The following SLC26A7 variants were observed in gnomAD, a reference collection of about 807,000 sequenced individuals.
SLC26A7 encodes solute carrier family 26 member 7.
In SLC26A7, 59 loss-of-function variants were observed where a neutral mutation model predicts 82.5. The observed-to-expected ratio is 0.72, with a 90% CI of 0.58 to 0.89. The LOEUF (loss-of-function observed/expected upper bound fraction) is 0.89. Among genes scored for constraint, SLC26A7 ranks in the 40% least tolerant of loss-of-function variants. SLC26A7 has a pLI of 0.00. For missense variants in SLC26A7, 820 were observed against 793.0 expected, an observed-to-expected ratio of 1.03 and a Z score of -0.41; for synonymous variants, 271 against 274.3, an observed-to-expected ratio of 0.99 and a Z score of 0.12.
At chr8:91,222,018 T>C (rs576855233) in intron 2 of SLC26A7, among the ~76,000 whole-genome samples, 16 of 152,336 alleles carry the variant, frequency 1.1e-4, no homozygotes, top group African/African-American at 3.8e-4. Flanking sequence ...GGAATGTTTT[T>C]CCATTTGTTT....
At chr8:91,235,272 T>C (rs566903673) in intron 2 of SLC26A7, among the ~76,000 whole-genome samples, 2 of 152,214 alleles carry the variant, frequency 1.3e-5, no homozygotes, top group African/African-American at 4.8e-5. Flanking sequence ...ACTCTGGTCA[T>C]TGAGGGCTTA....
At position 91,239,474 on chromosome 8, in the gene SLC26A7, G is replaced by GTA. The variant is rs1003012799; in HGVS notation, c.-33-10137_-33-10136dup. Among the ~76,000 whole-genome samples, 8 of 146,108 alleles carry GTA rather than the reference G, an allele frequency of 5.5e-5. No homozygotes were observed. In the South Asian group the frequency reaches 8.5e-4, roughly 16 times the overall value. On this transcript the variant is annotated intron_variant, in intron 2 of 5. Transcript: ENST00000522862. ...TATACGTATATATATGTGTATATAT[G>GTA]TATATATATGTGTATGTGTACATAT... is the stretch of plus-strand genomic sequence containing the variant.
chr8:91,358,154 T>G (rs994867979), intron 11 of SLC26A7, among the ~76,000 whole-genome samples: 1 of 152,156 alleles, frequency 6.6e-6, no homozygotes, highest in Non-Finnish European at 1.5e-5. Context: ...ACTTTTACAC[T>G]GTTGGTGGGA....
At chr8:91,254,164 T>C (rs981392583) in intron 2 of SLC26A7, among the ~76,000 whole-genome samples, 2 of 152,066 alleles carry the variant, frequency 1.3e-5, no homozygotes, top group African/African-American at 4.8e-5. Context: ...GTAACAAATA[T>C]GAATAGTTTA....
rs1554600121 is a variant in SLC26A7 at position 91,239,395 on chromosome 8, A to AAAT, written c.-33-10223_-33-10222insATA. Among the ~76,000 whole-genome samples, 799 of 94,620 alleles carry AAAT rather than the reference A, an allele frequency of 8.4e-3. 20 individuals are homozygous for AAAT. The highest frequency in any genetic ancestry group is 0.024 in the African/African-American group (670 of 28,232). 62.1% of individuals were successfully genotyped at this position (94,620 alleles called of 152,430 possible). A position where few individuals can be genotyped will look rare whatever the true frequency, so the allele number is the denominator to read the frequency against. On this transcript the variant is annotated intron_variant, in intron 2 of 5. Transcript: ENST00000522862. ...CGTCTCAAAAAAAAAAAAAAAAAAA[A>AAAT]ATATATATATATATATGTATATGTA... is the stretch of plus-strand genomic sequence containing the variant.
intron 2 of SLC26A7, among the ~76,000 whole-genome samples, chr8:91,243,630 A>G (rs1182901827): frequency 2.0e-5 from 3 of 152,132 alleles, no homozygotes; most frequent in African/African-American, 7.2e-5. Context: ...CAGCACATGA[A>G]TGGGAGGAAC....
chr8:91,279,654 G>A lies in SLC26A7; in HGVS notation c.194-9482G>A, dbSNP rs562297378. Among the ~76,000 whole-genome samples the A allele has an allele frequency of 4.0e-5, 6 of 151,862 alleles. No individual in the cohort carries two copies. In the South Asian group the frequency reaches 1.2e-3, roughly 32 times the overall value. ...GGCTCACTGCAAGCTCCGCCTCCCG[G>A]GTTCACGCCATTCTCCTGCCTCAGC... On this transcript the variant is annotated intron_variant, in intron 2 of 18. Coordinates refer to ENST00000276609, the MANE Select transcript of SLC26A7 (RefSeq NM_052832.4).
rs191930831 is a variant in SLC26A7, at chr8:91,362,341, T to A, written c.1315-12T>A. The A allele has an allele frequency of 1.0e-5, 16 of 1,592,004 alleles. No individual in the cohort carries two copies. In the East Asian group the frequency reaches 2.5e-4, roughly 24 times the overall value. On this transcript the variant is annotated splice_polypyrimidine_tract_variant and intron_variant, in intron 11 of 18. Coordinates refer to ENST00000276609, the MANE Select transcript of SLC26A7 (RefSeq NM_052832.4). Reference sequence around the variant, plus strand: ...AAGGATTCACAACTTCTGTTTCTTGTTTCTCTTTCAGGGAATATGGGTCAG... The same window carrying A: ...AAGGATTCACAACTTCTGTTTCTTGATTCTCTTTCAGGGAATATGGGTCAG...
chr8:91,344,482 TCTTC>T (rs1156466117), intron 9 of SLC26A7, among the ~76,000 whole-genome samples: 2 of 152,120 alleles, frequency 1.3e-5, no homozygotes, highest in Non-Finnish European at 2.9e-5. Flanking sequence ...TCATTGGGAG[TCTTC>T]CTTATTAAAT....
intron 15 of SLC26A7, among the ~76,000 whole-genome samples, chr8:91,378,521 A>G (rs1814583013): frequency 6.6e-6 from 1 of 150,378 alleles, no homozygotes; most frequent in Non-Finnish European, 1.5e-5. Flanking sequence ...GTTGTAATAA[A>G]TGTGAGAATG....
At chr8:91,212,204 TTGTC>T (rs1267315435) in intron 1 of SLC26A7, among the ~76,000 whole-genome samples, 7 of 152,298 alleles carry the variant, frequency 4.6e-5, no homozygotes, top group African/African-American at 1.7e-4. Flanking sequence ...ACTACTAACT[TTGTC>T]TGTATTTGAA....
chr8:91,217,338 A>G (rs1810069661), intron 1 of SLC26A7, among the ~76,000 whole-genome samples: 1 of 152,210 alleles, frequency 6.6e-6, no homozygotes, highest in African/African-American at 2.4e-5. Flanking sequence ...TCATGTCTAA[A>G]TTAGGTTTCC....
chr8:91,273,785 T>C (rs901282736), intron 2 of SLC26A7, among the ~76,000 whole-genome samples: 2 of 152,224 alleles, frequency 1.3e-5, no homozygotes, highest in African/African-American at 4.8e-5. Context: ...TTTTTGTGAT[T>C]ATGTTTCTCA....
chr8:91,282,540 G>T (rs1811602106), intron 2 of SLC26A7, among the ~76,000 whole-genome samples: 1 of 152,102 alleles, frequency 6.6e-6, no homozygotes, highest in Admixed American at 6.6e-5. Context: ...GATTTCCTCT[G>T]GCACCAAAGA....
rs149154561 is a variant in SLC26A7, at chr8:91,356,878, A to G, written c.1314+3882A>G. On this transcript the variant is annotated intron_variant, in intron 11 of 18. Transcript: ENST00000276609. ...ATTGTAATGCATTTTTAGGGGACCT[A>G]TTTGCTGGAAAACAACATAGGAGAG... is the stretch of plus-strand genomic sequence containing the variant. Among the ~76,000 whole-genome samples the G allele has an allele frequency of 5.2e-4, 79 of 152,142 alleles. No homozygotes were observed. The East Asian group carries it at 0.012, about 23-fold the overall frequency.
Position 91,338,151 on chromosome 8 carries a change from T to C in SLC26A7, c.797T>C (p.Ile266Thr), listed in dbSNP as rs575564636. 7 of 1,607,890 alleles carry C rather than the reference T, an allele frequency of 4.4e-6. No individual in the cohort carries two copies. In the Admixed American group the frequency reaches 1.0e-4, roughly 23 times the overall value. ...CTTTTTTCAAATGGAACCACACAGA[T>C]TATTGCTGCATCATTTGCTTGTTAT... ...KVVLPVDLVL[I>T]IAASFACYCT... is the part of the protein sequence containing the mutation. The change falls in exon 7 of 19, where the codon ATT becomes ACT. Residue 266 changes from isoleucine (I) to threonine (T), a missense_variant and splice_region_variant. Transcript: ENST00000276609.
chr8:91,263,249 T>G (rs1811016102), intron 2 of SLC26A7, among the ~76,000 whole-genome samples: 1 of 152,200 alleles, frequency 6.6e-6, no homozygotes, highest in East Asian at 1.9e-4. Context: ...CAGGCAGATA[T>G]GGATGATATT....
chr8:91,256,391 C>G (rs1810803838), intron 2 of SLC26A7, among the ~76,000 whole-genome samples: 1 of 152,036 alleles, frequency 6.6e-6, no homozygotes, highest in East Asian at 1.9e-4. Context: ...GGTCTGACCT[C>G]TAGGCATAAG....
In SLC26A7 at chr8:91,362,370, A is replaced by G. The variant is rs779417439; in HGVS notation, c.1332A>G (p.Thr444=). 2 of 1,612,904 alleles carry G rather than the reference A, an allele frequency of 1.2e-6. No individual in the cohort carries two copies. Among genetic ancestry groups the G allele is most frequent in the Middle Eastern group, 1.6e-4 (1 of 6,080 alleles). The change falls in exon 12 of 19, where the codon ACA becomes ACG. Residue 444 remains threonine, a synonymous_variant. Transcript: ENST00000276609. The part of the protein sequence containing the change: ...DKIDWGIWVS[T]YVFTICFAAN... ...TCTTTCAGGGAATATGGGTCAGTAC[A>G]TATGTATTTACAATATGCTTTGCTG...
Sources: gnomAD v4.1 joint callset for allele counts (sites outside exome capture counted in the v4.1 genomes callset) on GRCh38, gnomAD v4.1.1 for gene constraint, MANE v1.5 for transcripts, NCBI Gene and HGNC (gene_info 2026-07-23, HGNC 2026-07-21) for gene names.